The following NDST3 variants were observed in gnomAD, a reference collection of about 807,000 sequenced individuals.
The protein encoded by NDST3 is N-deacetylase and N-sulfotransferase 3.
NDST3 carries 58 observed loss-of-function variants against 96.1 expected under a neutral mutation model. That is an observed-to-expected ratio of 0.60 (90% CI 0.49 to 0.75). The LOEUF is 0.75. NDST3 is among the 30% of genes least tolerant of loss of function. NDST3 has a pLI of 0.00. For missense variants in NDST3, 788 were observed against 1,034.2 expected (o/e 0.76, Z 3.27); for synonymous variants, 333 against 359.7 (o/e 0.93, Z 0.84).
At chr4:118,098,663 C>T (rs542734807) in intron 2 of NDST3, among the ~76,000 whole-genome samples, 1 of 152,146 alleles carries the variant, frequency 6.6e-6, no homozygotes, top group African/African-American at 2.4e-5. Flanking sequence ...ACTCTTTTCT[C>T]TGCTTTCACA....
intron 6 of NDST3, among the ~76,000 whole-genome samples, chr4:118,165,410 A>C (rs1289459255): frequency 6.6e-6 from 1 of 151,762 alleles, no homozygotes; most frequent in Non-Finnish European, 1.5e-5. Flanking sequence ...GCAAATTCAA[A>C]GCACCCAAAT....
At chr4:118,108,004 G>A (rs1730341469) in intron 3 of NDST3, among the ~76,000 whole-genome samples, 1 of 152,202 alleles carries the variant, frequency 6.6e-6, no homozygotes, top group African/African-American at 2.4e-5. Flanking sequence ...CATGGCGGAA[G>A]ATGAAGGAAG....
chr4:118,222,127 T>A (rs1739588209), intron 6 of NDST3, among the ~76,000 whole-genome samples: 1 of 151,984 alleles, frequency 6.6e-6, no homozygotes, highest in African/African-American at 2.4e-5. Flanking sequence ...TGTTTCTTTC[T>A]ATGCTGTACA....
chr4:118,143,550 CT>C lies in NDST3; in HGVS notation c.1411-4del, dbSNP rs1560674778. 4 of 1,585,846 alleles carry C rather than the reference CT, an allele frequency of 2.5e-6. No individual in the cohort carries two copies. In the East Asian group the frequency reaches 9.0e-5, roughly 36 times the overall value. On this transcript the variant is annotated splice_polypyrimidine_tract_variant and splice_region_variant and intron_variant, in intron 5 of 13. Coordinates refer to ENST00000296499, the MANE Select transcript of NDST3 (RefSeq NM_004784.3). Reference sequence around the variant, plus strand: ...CTTTTCCTTACTTTTTTCATTTTTCCTTCAGGTTCTCCCAAGACAAACCTGT... The same window carrying C: ...CTTTTCCTTACTTTTTTCATTTTTCCTCAGGTTCTCCCAAGACAAACCTGT...
intron 6 of NDST3, chr4:118,194,779 C>G (rs1737558374): frequency 2.4e-6 from 1 of 423,804 alleles, no homozygotes; most frequent in Non-Finnish European, 4.3e-6. Flanking sequence ...TTTCTGGGAG[C>G]TGGCACCGGC....
rs545401295 is a variant in NDST3 at position 118,205,856 on chromosome 4, G to A, written c.1540-18635G>A. Among the ~76,000 whole-genome samples, 157 of 131,448 alleles carry A rather than the reference G, an allele frequency of 1.2e-3. 11 individuals are homozygous for A. The highest frequency in any genetic ancestry group is 4.0e-3 in the Middle Eastern group (1 of 250). 86.2% of individuals were successfully genotyped at this position (131,448 alleles called of 152,430 possible). On this transcript the variant is annotated intron_variant, in intron 6 of 13. Transcript: ENST00000296499. The stretch of plus-strand genomic sequence containing the variant: ...TCTTTTTTTTTTTTTTTTTTGAGAC[G>A]GAGTCTCGCTCTGTCACCCAGGCTG...
chr4:118,173,134 ATGTG>A (rs35139409), intron 6 of NDST3, among the ~76,000 whole-genome samples: 113 of 148,280 alleles, frequency 7.6e-4, no homozygotes, highest in Non-Finnish European at 1.1e-3. Flanking sequence ...AGGCATATAT[ATGTG>A]TGTGTGTGTG....
intron 2 of NDST3, among the ~76,000 whole-genome samples, chr4:118,089,989 A>G (rs531654023): frequency 6.6e-6 from 1 of 152,060 alleles, no homozygotes; most frequent in South Asian, 2.1e-4. Flanking sequence ...AGGAAAAGGC[A>G]CAAAGGGTTA....
rs562784184 is a variant in NDST3 at position 118,149,405 on chromosome 4, T to A, written c.1539+5721T>A. ...CCCAAGAGCATGGAATGTTCTTCCA[T>A]TTGTTTGTATCCTCTTTTATTTCCT... On this transcript the variant is annotated intron_variant, in intron 6 of 13. Coordinates refer to ENST00000296499, the MANE Select transcript of NDST3 (RefSeq NM_004784.3). Among the ~76,000 whole-genome samples, 777 of 151,684 alleles carry A rather than the reference T, an allele frequency of 5.1e-3. 6 individuals are homozygous for A. Among genetic ancestry groups the A allele is most frequent in the Non-Finnish European group, 8.5e-3 (574 of 67,866 alleles).
chr4:118,129,198 G>C (rs894808443), intron 4 of NDST3, among the ~76,000 whole-genome samples: 15 of 151,404 alleles, frequency 9.9e-5, no homozygotes, highest in African/African-American at 3.6e-4. Context: ...CTTCTGCTTT[G>C]ATCTTTATTA....
At chr4:118,227,238 TCCC>T (rs35034865) in intron 8 of NDST3, among the ~76,000 whole-genome samples, 10 of 149,008 alleles carry the variant, frequency 6.7e-5, no homozygotes, top group Non-Finnish European at 6.0e-5. Context: ...TTTTTTTTTT[TCCC>T]CCCCAAATGT....
At chr4:118,041,092 T>C (rs1403053732) in intron 1 of NDST3, among the ~76,000 whole-genome samples, 4 of 151,710 alleles carry the variant, frequency 2.6e-5, no homozygotes, top group Non-Finnish European at 5.9e-5. Flanking sequence ...GGAGATATCA[T>C]AGTAGCCCAT....
At chr4:118,033,758 C>T (rs996452192), upstream of NDST3, 3 of 152,416 alleles carry the variant, frequency 2.0e-5, no homozygotes, top group Non-Finnish European at 4.4e-5. Context: ...CGCGCAGATC[C>T]CGGGCGCGGA....
At chr4:118,075,653 G>A (rs1477900087) in intron 2 of NDST3, among the ~76,000 whole-genome samples, 8 of 152,172 alleles carry the variant, frequency 5.3e-5, no homozygotes, top group Non-Finnish European at 1.2e-4. Context: ...GACTAGTGAT[G>A]ATGAGCATTT....
At chr4:118,100,177 T>A (rs957867435) in intron 2 of NDST3, among the ~76,000 whole-genome samples, 23 of 152,012 alleles carry the variant, frequency 1.5e-4, no homozygotes, top group African/African-American at 5.3e-4. Flanking sequence ...GGGGGCATCA[T>A]CCAATTTACT....
chr4:118,193,695 GGGCCTCTCCCCAATGGA>G, intron 6 of NDST3: 1 of 1,308,244 alleles, frequency 7.6e-7, no homozygotes, highest in Non-Finnish European at 1.1e-6. Context: ...ACAGCCAGGT[GGGCCTCTCCCCAATGGA>G]AGAGGCCCTT....
At chr4:118,104,987 C>A (rs1355435610) in intron 2 of NDST3, 31 bp from the exon 3 acceptor site, 15 of 1,579,220 alleles carry the variant, frequency 9.5e-6, no homozygotes, top group African/African-American at 2.7e-5. Flanking sequence ...CCATTCTTTA[C>A]CTGATACATT....
intron 6 of NDST3, among the ~76,000 whole-genome samples, chr4:118,149,250 T>C (rs1734197538): frequency 6.6e-6 from 1 of 152,028 alleles, no homozygotes; most frequent in Non-Finnish European, 1.5e-5. Context: ...TCTTTTTTGG[T>C]TCCATATGAA....
At chr4:118,160,698 C>T (rs910802541) in intron 6 of NDST3, among the ~76,000 whole-genome samples, 5 of 152,180 alleles carry the variant, frequency 3.3e-5, no homozygotes, top group East Asian at 1.9e-4. Flanking sequence ...ACGTAGTTCT[C>T]GAGCCTTGGC....
Sources: gnomAD v4.1 joint callset for allele counts (sites outside exome capture counted in the v4.1 genomes callset) on GRCh38, gnomAD v4.1.1 for gene constraint, MANE v1.5 for transcripts, NCBI Gene and HGNC (gene_info 2026-07-23, HGNC 2026-07-21) for gene names.